RHBDL3: variants seen among roughly 807,000 people sequenced by gnomAD.
RHBDL3 encodes rhomboid like 3.
A neutral mutation model predicts 48.2 loss-of-function variants in RHBDL3; 28 were observed. The observed-to-expected ratio is 0.58, with a 90% CI of 0.43 to 0.80. The LOEUF (loss-of-function observed/expected upper bound fraction) is 0.80, where lower values mean the gene tolerates loss of function less well. Among genes scored for constraint, RHBDL3 ranks in the 30% least tolerant of loss-of-function variants. RHBDL3 has a pLI of 0.00. For missense variants in RHBDL3, 464 were observed against 542.7 expected (o/e 0.85, Z 1.44); for synonymous variants, 208 against 232.3 (o/e 0.90, Z 0.95).
At position 32,323,464 on chromosome 17, in the gene RHBDL3, G is replaced by A. The variant is rs765484045; in HGVS notation, c.*2235G>A. 2 of 152,428 alleles carry A rather than the reference G, an allele frequency of 1.3e-5. No individual in the cohort carries two copies. The highest frequency in any genetic ancestry group is 6.5e-5 in the Admixed American group (1 of 15,272). 9.4% of individuals were successfully genotyped at this position (152,428 alleles called of 1,614,324 possible). A position where few individuals can be genotyped will look rare whatever the true frequency, so the allele number is the denominator to read the frequency against. The stretch of plus-strand genomic sequence containing the variant: ...TGAGCGATGAGGTCCTTTCCTGGAG[G>A]GATGGAGAATCCCCTCCAGATTCCT... On this transcript the variant is annotated 3_prime_UTR_variant, in exon 9 of 9. Transcript: ENST00000269051.
rs1199785102 is a variant in RHBDL3 at position 32,324,127 on chromosome 17, C to G, written c.*2898C>G. On this transcript the variant is annotated 3_prime_UTR_variant, in exon 9 of 9. Coordinates refer to ENST00000269051, the MANE Select transcript of RHBDL3 (RefSeq NM_138328.3). ...AAGCTGGGGAATCCCCAAACAGCAG[C>G]CATAGACTCACTGGCTCTCATTAAA... The G allele has an allele frequency of 6.6e-6, 1 of 152,540 alleles. No homozygotes were observed. Among genetic ancestry groups the G allele is most frequent in the Non-Finnish European group, 1.5e-5 (1 of 68,074 alleles). 9.4% of individuals were successfully genotyped at this position (152,540 alleles called of 1,614,324 possible).
chr17:32,280,879 TC>T, intron 2 of RHBDL3: 1 of 153,074 alleles, frequency 6.5e-6, no homozygotes, highest in Non-Finnish European at 1.5e-5. Flanking sequence ...CCTTTCTCTC[TC>T]CCCCACGCCC....
intron 5 of RHBDL3, among the ~76,000 whole-genome samples, chr17:32,297,225 T>C (rs2150729233): frequency 6.7e-6 from 1 of 149,920 alleles, no homozygotes; most frequent in Non-Finnish European, 1.5e-5. Context: ...CCCAAAACTT[T>C]GGGAGGCCGA....
chr17:32,277,903 C>T (rs1484059701), intron 2 of RHBDL3, among the ~76,000 whole-genome samples: 3 of 152,184 alleles, frequency 2.0e-5, no homozygotes, highest in African/African-American at 4.8e-5. Flanking sequence ...TGATATGGTG[C>T]GTTATGACCC....
intron 4 of RHBDL3, among the ~76,000 whole-genome samples, chr17:32,289,549 T>TGG (rs2040278098): frequency 6.6e-6 from 1 of 152,194 alleles, no homozygotes; most frequent in South Asian, 2.1e-4. Flanking sequence ...CAAACACATC[T>TGG]GGGAGGGAGT....
At chr17:32,272,849 A>G (rs1456414691) in intron 2 of RHBDL3, among the ~76,000 whole-genome samples, 1 of 152,206 alleles carries the variant, frequency 6.6e-6, no homozygotes, top group Non-Finnish European at 1.5e-5. Context: ...GTCTTGGGTT[A>G]AAATATCCTC....
intron 5 of RHBDL3, among the ~76,000 whole-genome samples, chr17:32,296,659 A>G (rs970825508): frequency 1.3e-5 from 2 of 152,062 alleles, no homozygotes; most frequent in African/African-American, 4.8e-5. Context: ...ACCAGTAAAG[A>G]GAAACCTCTC....
intron 2 of RHBDL3, among the ~76,000 whole-genome samples, chr17:32,283,199 T>C (rs760746321): frequency 6.6e-6 from 1 of 151,970 alleles, no homozygotes; most frequent in Non-Finnish European, 1.5e-5. Flanking sequence ...GCTCCTGGCG[T>C]CCAGGAGATG....
intron 7 of RHBDL3, among the ~76,000 whole-genome samples, chr17:32,313,001 C>T (rs2150751437): frequency 6.6e-6 from 1 of 152,082 alleles, no homozygotes; most frequent in African/African-American, 2.4e-5. Context: ...AGGGTTTCGC[C>T]ATGTTGCCCA....
chr17:32,311,167 C>G (rs935108343), intron 7 of RHBDL3, among the ~76,000 whole-genome samples: 7 of 152,230 alleles, frequency 4.6e-5, no homozygotes, highest in African/African-American at 1.7e-4. Context: ...TGAGTACTAT[C>G]TCACTCTTTG....
At position 32,294,426 on chromosome 17, in the gene RHBDL3, A is replaced by G. The variant is rs2040405461; in HGVS notation, c.652A>G (p.Ile218Val). The change falls in exon 5 of 9, where the codon ATC becomes GTC. Residue 218 changes from isoleucine to valine, a missense_variant. Physicochemically the swap from Ile to Val is conservative, Grantham distance 29. Transcript: ENST00000269051. ...ACAGGTTTGGCGCTACCTGACATAC[A>G]TCTTCATGCATGCAGGGTGAGTACC... is the stretch of plus-strand genomic sequence containing the variant. ...RAQVWRYLTY[I>V]FMHAGIEHLG... is the part of the protein sequence containing the mutation. 6.2e-7 allele frequency: 1 copy of G among 1,613,916 alleles called. No individual in the cohort carries two copies.
intron 2 of RHBDL3, among the ~76,000 whole-genome samples, chr17:32,271,593 T>C (rs1308088793): frequency 6.6e-6 from 1 of 152,368 alleles, no homozygotes; most frequent in South Asian, 2.1e-4. Flanking sequence ...CACAAAGGGC[T>C]TCTTGGGTTG....
At chr17:32,320,461 T>C (rs1005280870) in intron 8 of RHBDL3, among the ~76,000 whole-genome samples, 1 of 152,052 alleles carries the variant, frequency 6.6e-6, no homozygotes, top group African/African-American at 2.4e-5. Flanking sequence ...GTAGCTGGGA[T>C]TACGGGAGCC....
At chr17:32,319,722 G>A (rs2041071863) in intron 8 of RHBDL3, among the ~76,000 whole-genome samples, 1 of 152,214 alleles carries the variant, frequency 6.6e-6, no homozygotes, top group African/African-American at 2.4e-5. Context: ...GCAGTGGTTA[G>A]GGTGGAGAGA....
chr17:32,285,465 C>G (rs998999771), intron 3 of RHBDL3, among the ~76,000 whole-genome samples: 6 of 152,030 alleles, frequency 3.9e-5, no homozygotes, highest in Non-Finnish European at 5.9e-5. Context: ...TCAGCCGATG[C>G]CCTGGGCTGC....
chr17:32,285,664 G>A (rs2040181732), intron 3 of RHBDL3, among the ~76,000 whole-genome samples: 1 of 152,198 alleles, frequency 6.6e-6, no homozygotes, highest in Admixed American at 6.5e-5. Context: ...GAAAAGCGGG[G>A]TGAACAAGCA....
intron 7 of RHBDL3, among the ~76,000 whole-genome samples, chr17:32,307,368 G>C (rs1019997598): frequency 6.6e-6 from 1 of 152,178 alleles, no homozygotes; most frequent in African/African-American, 2.4e-5. Context: ...ATGTTTGAAT[G>C]CTCAATGATC....
At chr17:32,319,739 C>T (rs1000158746) in intron 8 of RHBDL3, among the ~76,000 whole-genome samples, 1 of 152,246 alleles carries the variant, frequency 6.6e-6, no homozygotes, top group Admixed American at 6.5e-5. Flanking sequence ...GAGAAGTGCC[C>T]TGGCTCATTA....
intron 8 of RHBDL3, among the ~76,000 whole-genome samples, chr17:32,319,834 T>C (rs2041077359): frequency 6.6e-6 from 1 of 152,136 alleles, no homozygotes; most frequent in Non-Finnish European, 1.5e-5. Flanking sequence ...ATCTGTAAAA[T>C]GGGAATAAGA....
Sources: allele counts gnomAD v4.1 joint callset (sites outside exome capture counted in the v4.1 genomes callset), GRCh38; gene constraint gnomAD v4.1.1; transcripts MANE v1.5; gene names NCBI Gene and HGNC (gene_info 2026-07-23, HGNC 2026-07-21).